TAFA5: variants seen among roughly 807,000 people sequenced by gnomAD.
The protein encoded by TAFA5 is TAFA chemokine like family member 5.
A neutral mutation model predicts 15.3 loss-of-function variants in TAFA5; 6 were observed. That is an observed-to-expected ratio of 0.39 (90% confidence interval 0.21 to 0.77). TAFA5 has a LOEUF of 0.77. Ranked by LOEUF, TAFA5 falls within the 30% of genes least tolerant of loss-of-function variation. The pLI is 0.41. For missense variants in TAFA5, 161 were observed against 193.1 expected, an observed-to-expected ratio of 0.83 and a Z score of 0.98; for synonymous variants, 103 against 80.7, an observed-to-expected ratio of 1.28 and a Z score of -1.48.
At chr22:48,495,108 C>T (rs1476691344) in intron 1 of TAFA5, among the ~76,000 whole-genome samples, 2 of 152,212 alleles carry the variant, frequency 1.3e-5, no homozygotes, top group Non-Finnish European at 1.5e-5. Flanking sequence ...AGAGGCCTCC[C>T]TGTCCCTTGG....
At chr22:48,640,825 C>T (rs1432319444) in intron 1 of TAFA5, among the ~76,000 whole-genome samples, 1 of 151,982 alleles carries the variant, frequency 6.6e-6, no homozygotes, top group Admixed American at 6.5e-5. Context: ...GGGGGTCTGC[C>T]CTATGGGACA....
At chr22:48,632,448 C>A (rs1481641709) in intron 1 of TAFA5, among the ~76,000 whole-genome samples, 1 of 152,198 alleles carries the variant, frequency 6.6e-6, no homozygotes, top group Non-Finnish European at 1.5e-5. Flanking sequence ...GGGTGGGGTC[C>A]AGAGTTACAC....
chr22:48,522,559 G>T (rs1460099799), intron 1 of TAFA5, among the ~76,000 whole-genome samples: 1 of 152,144 alleles, frequency 6.6e-6, no homozygotes, highest in Non-Finnish European at 1.5e-5. Context: ...TGGGCGCGGG[G>T]CCAGGCAAGG....
intron 3 of TAFA5, among the ~76,000 whole-genome samples, chr22:48,716,421 G>A (rs1929402724): frequency 6.6e-6 from 1 of 152,246 alleles, no homozygotes; most frequent in Non-Finnish European, 1.5e-5. Flanking sequence ...CACAGGAACA[G>A]AAAACCGAAC....
chr22:48,692,847 G>T (rs565041738), intron 2 of TAFA5, among the ~76,000 whole-genome samples: 1 of 152,212 alleles, frequency 6.6e-6, no homozygotes, highest in African/African-American at 2.4e-5. Flanking sequence ...CTCAGGCCCC[G>T]TTGGGCCCAG....
intron 1 of TAFA5, among the ~76,000 whole-genome samples, chr22:48,639,935 C>T (rs190917255): frequency 2.1e-3 from 321 of 152,188 alleles, no homozygotes; most frequent in African/African-American, 7.4e-3. Flanking sequence ...AAATCGTGAC[C>T]GCACCCCCCC....
chr22:48,557,748 C>T (rs1923090565), intron 1 of TAFA5, among the ~76,000 whole-genome samples: 1 of 152,248 alleles, frequency 6.6e-6, no homozygotes, highest in Admixed American at 6.5e-5. Flanking sequence ...CCTTCCTGAC[C>T]TGCCCTTAGC....
intron 1 of TAFA5, among the ~76,000 whole-genome samples, chr22:48,555,966 G>T (rs527460342): frequency 1.3e-4 from 20 of 152,332 alleles, no homozygotes; most frequent in African/African-American, 4.8e-4. Flanking sequence ...CCCTCTTCTT[G>T]TTCTAGCTCC....
At chr22:48,747,176 T>A (rs1471347563) in intron 3 of TAFA5, among the ~76,000 whole-genome samples, 1 of 152,202 alleles carries the variant, frequency 6.6e-6, no homozygotes. Flanking sequence ...GCCCTGGGAC[T>A]GGAGAAGGTT....
At chr22:48,586,372 G>C (rs2147152731) in intron 1 of TAFA5, among the ~76,000 whole-genome samples, 1 of 152,354 alleles carries the variant, frequency 6.6e-6, no homozygotes, top group South Asian at 2.1e-4. Context: ...ATAACCTTTG[G>C]GACGAGGAAG....
chr22:48,643,841 G>A (rs1926769689), intron 1 of TAFA5, among the ~76,000 whole-genome samples: 1 of 152,234 alleles, frequency 6.6e-6, no homozygotes, highest in Admixed American at 6.5e-5. Context: ...TGATGTCAGA[G>A]GGAAGGGTCT....
At chr22:48,542,400 T>TGTGGTGTGTGTGC in intron 1 of TAFA5, among the ~76,000 whole-genome samples, 1 of 114,444 alleles carries the variant, frequency 8.7e-6, no homozygotes, top group East Asian at 2.8e-4. Flanking sequence ...GGTGTGTGTG[T>TGTGGTGTGTGTGC]GCGTGTGTGG....
intron 2 of TAFA5, among the ~76,000 whole-genome samples, chr22:48,656,931 A>AT (rs908691785): frequency 9.3e-5 from 14 of 151,224 alleles, no homozygotes; most frequent in African/African-American, 2.7e-4. Flanking sequence ...ATGCCCAGCT[A>AT]TTTTTTTTCT....
intron 2 of TAFA5, among the ~76,000 whole-genome samples, chr22:48,655,743 G>A (rs73173494): frequency 0.063 from 9,532 of 151,860 alleles, 440 homozygotes; most frequent in African/African-American, 0.12. Context: ...TCCCCTGAGC[G>A]CTCTGAGCTG....
intron 2 of TAFA5, among the ~76,000 whole-genome samples, chr22:48,648,098 G>GT (rs1926929232): frequency 6.6e-6 from 1 of 152,186 alleles, no homozygotes; most frequent in Non-Finnish European, 1.5e-5. Flanking sequence ...CTTCAGGGCA[G>GT]CTATATCCGT....
At chr22:48,522,403 C>T (rs1056748353) in intron 1 of TAFA5, among the ~76,000 whole-genome samples, 1 of 152,116 alleles carries the variant, frequency 6.6e-6, no homozygotes, top group Admixed American at 6.5e-5. Context: ...CACCTCCCAT[C>T]CACTGGCACC....
chr22:48,691,340 C>G (rs1470529126), intron 2 of TAFA5, among the ~76,000 whole-genome samples: 1 of 152,250 alleles, frequency 6.6e-6, no homozygotes, highest in Non-Finnish European at 1.5e-5. Flanking sequence ...GCTGCTGATG[C>G]AGATTTTACT....
intron 1 of TAFA5, among the ~76,000 whole-genome samples, chr22:48,615,119 A>G (rs1925550739): frequency 6.6e-6 from 1 of 152,188 alleles, no homozygotes; most frequent in African/African-American, 2.4e-5. Context: ...TTCAGGAGCC[A>G]CCATCCCCGT....
chr22:48,613,087 G>A (rs1210948414), intron 1 of TAFA5, among the ~76,000 whole-genome samples: 2 of 152,186 alleles, frequency 1.3e-5, no homozygotes, highest in Non-Finnish European at 2.9e-5. Context: ...GGTGCAGCCC[G>A]GCCATTTCCA....
Sources: allele counts gnomAD v4.1 joint callset (sites outside exome capture counted in the v4.1 genomes callset), GRCh38; gene constraint gnomAD v4.1.1; transcripts MANE v1.5; gene names NCBI Gene and HGNC (gene_info 2026-07-23, HGNC 2026-07-21).